The following MAPKBP1 variants were observed in gnomAD, a reference collection of about 807,000 sequenced individuals.
MAPKBP1 encodes the protein mitogen-activated protein kinase-binding protein 1.
Under a neutral mutation model 170.5 loss-of-function variants are expected in MAPKBP1, and 71 were observed. The observed-to-expected ratio is 0.42, with a 90% confidence interval of 0.34 to 0.51. MAPKBP1 has a LOEUF of 0.51. Ranked by LOEUF, MAPKBP1 falls within the 20% of genes least tolerant of loss-of-function variation. MAPKBP1 has a pLI of 0.06. For synonymous variants in MAPKBP1, 719 were observed against 757.9 expected, an observed-to-expected ratio of 0.95 and a Z score of 0.84; for missense variants, 1,598 against 1,933.0, an observed-to-expected ratio of 0.83 and a Z score of 3.25.
rs1361688035 is a variant in MAPKBP1, at chr15:41,816,970, G to A, written c.1646G>A (p.Arg549Gln). The change falls in exon 14 of 31, where the codon CGG (arginine) becomes CAG (glutamine). Residue 549 changes from arginine (R) to glutamine (Q), a missense_variant. This residue lies in a region of MAPKBP1 where 430 missense variants were observed against 617.2 expected (regional missense o/e 0.70). Transcript: ENST00000457542. ...CTGATCCATGTGCTGGATGCCGGGC[G>A]GGAGTACAGCCTACAGCAGACGCTG... The part of the protein sequence containing the change: ...DRLIHVLDAG[R>Q]EYSLQQTLDE... 28 of 1,612,738 alleles carry A rather than the reference G, an allele frequency of 1.7e-5. No individual in the cohort carries two copies. The highest frequency in any genetic ancestry group is 2.2e-5 in the East Asian group (1 of 44,874).
At chr15:41,779,544 G>A (rs1449443561) in intron 2 of MAPKBP1, among the ~76,000 whole-genome samples, 6 of 151,904 alleles carry the variant, frequency 3.9e-5, no homozygotes, top group African/African-American at 7.3e-5. Context: ...AGAGTCTTAC[G>A]ATGTTGCTCA....
rs2065037809 is a variant in MAPKBP1 at position 41,823,533 on chromosome 15, C to A, written c.3685C>A (p.Pro1229Thr). ...AGCTCAGGATGGTCTGGGCTCCCTGCCCCCAGCTGATGGCCGTCCGTCTCG... is the reference window on the plus strand; with the variant it reads ...AGCTCAGGATGGTCTGGGCTCCCTGACCCCAGCTGATGGCCGTCCGTCTCG... Reference protein sequence around the residue: ...IEAQDGLGSLPPADGRPSRPH... With the variant: ...IEAQDGLGSLTPADGRPSRPH... The change falls in exon 29 of 31, where the codon CCC becomes ACC. Residue 1229 changes from proline to threonine, a missense_variant. Physicochemically the swap from Pro to Thr is conservative, Grantham distance 38. Coordinates refer to ENST00000457542, the MANE Select transcript of MAPKBP1 (RefSeq NM_014994.3). 1.2e-6 allele frequency: 2 copies of A among 1,614,046 alleles called. No individual in the cohort carries two copies. The highest frequency in any genetic ancestry group is 2.7e-5 in the African/African-American group (2 of 74,930).
At chr15:41,815,509 G>A in intron 11 of MAPKBP1, 104 bp downstream of exon 11, 1 of 1,555,050 alleles carries the variant, frequency 6.4e-7, no homozygotes, top group East Asian at 2.3e-5. Context: ...TGGCCTTCCA[G>A]CCTTCATTTG....
intron 3 of MAPKBP1, among the ~76,000 whole-genome samples, chr15:41,801,929 G>A (rs2064602188): frequency 6.6e-6 from 1 of 152,178 alleles, no homozygotes; most frequent in Non-Finnish European, 1.5e-5. Flanking sequence ...ATGGGGATAT[G>A]TTCTGAGAAA....
intron 12 of MAPKBP1, 82 bp downstream of exon 12, chr15:41,815,881 C>G (rs1050280502): frequency 2.8e-6 from 4 of 1,424,122 alleles, no homozygotes; most frequent in African/African-American, 2.8e-5. Context: ...GGGTTTGGCT[C>G]AAAAAGATTG....
chr15:41,775,418 C>A, intron 2 of MAPKBP1, 29 bp downstream of exon 2: 1 of 1,494,624 alleles, frequency 6.7e-7, no homozygotes, highest in Non-Finnish European at 9.3e-7. Flanking sequence ...CACCTCTTTC[C>A]AAACCCACCC....
Position 41,825,284 on chromosome 15 carries a change from C to T in MAPKBP1, c.4375C>T (p.Arg1459Ter), listed in dbSNP as rs1057519304. Reference protein sequence around the residue: ...QLLRDTFSSVRQELEAVAGAV... With the variant: ...QLLRDTFSSV ...CCTCAGAGACACCTTCTCTTCAGTG[C>T]GACAGGAGCTGGAAGCTGTGGCTGG... Residue 1459 changes from arginine (R) to a stop codon, truncating the protein, a stop_gained, in exon 31 of 31, where the codon CGA (arginine) becomes TGA (stop). Coordinates refer to ENST00000457542, the MANE Select transcript of MAPKBP1 (RefSeq NM_014994.3). LOFTEE classifies it high-confidence loss of function. The T allele has an allele frequency of 6.2e-6, 10 of 1,612,074 alleles. No individual in the cohort carries two copies. In the East Asian group the frequency reaches 6.7e-5, roughly 11 times the overall value.
At chr15:41,824,629 G>T (rs921384858) in intron 30 of MAPKBP1, 60 bp downstream of exon 30, 8 of 1,460,190 alleles carry the variant, frequency 5.5e-6, no homozygotes, top group South Asian at 3.7e-5. Context: ...GGGTGTTTCG[G>T]ATAACCATGT....
chr15:41,806,196 G>T (rs79547303), intron 3 of MAPKBP1, among the ~76,000 whole-genome samples: 6,021 of 152,328 alleles, frequency 0.04, 191 homozygotes, highest in East Asian at 0.1. Context: ...CCCAGTGTAA[G>T]TTATAAGCGT....
intron 4 of MAPKBP1, 115 bp from the exon 5 acceptor site, chr15:41,811,063 G>T: frequency 6.5e-7 from 1 of 1,528,166 alleles, no homozygotes; most frequent in South Asian, 1.1e-5. Flanking sequence ...AGCCAGATGG[G>T]GAAGTGCCAC....
intron 2 of MAPKBP1, among the ~76,000 whole-genome samples, chr15:41,797,772 C>T (rs1219253445): frequency 6.6e-6 from 1 of 152,164 alleles, no homozygotes; most frequent in African/African-American, 2.4e-5. Context: ...ACCACATCTA[C>T]CAGTGAGCAG....
rs746387763 is a variant in MAPKBP1 at position 41,824,467 on chromosome 15, G to A, written c.4214-17G>A. The A allele has an allele frequency of 6.3e-7, 1 of 1,576,434 alleles. No individual in the cohort carries two copies. The highest frequency in any genetic ancestry group is 8.6e-7 in the Non-Finnish European group (1 of 1,160,616). On this transcript the variant is annotated splice_polypyrimidine_tract_variant and intron_variant, in intron 29 of 30. Transcript: ENST00000457542. ...GCTACATGCTGGGCCTCACTGAGCTGTATCCGTCTCTTTCAGAGCCAGCGG... is the reference window on the plus strand; with the variant it reads ...GCTACATGCTGGGCCTCACTGAGCTATATCCGTCTCTTTCAGAGCCAGCGG...
chr15:41,798,249 C>T (rs1293545907), intron 2 of MAPKBP1, among the ~76,000 whole-genome samples: 2 of 56,946 alleles, frequency 3.5e-5, no homozygotes, highest in Non-Finnish European at 3.2e-5. Context: ...GACTCTGTCT[C>T]AAAAAAAAAA....
intron 7 of MAPKBP1, 79 bp downstream of exon 7, chr15:41,812,732 C>A: frequency 6.6e-7 from 1 of 1,508,794 alleles, no homozygotes; most frequent in Non-Finnish European, 8.9e-7. Flanking sequence ...CTCTGCCCCA[C>A]TTGGGCCTCT....
At chr15:41,814,405 T>C in intron 9 of MAPKBP1, 145 bp from the exon 10 acceptor site, 1 of 710,722 alleles carries the variant, frequency 1.4e-6, no homozygotes, top group Non-Finnish European at 2.3e-6. Flanking sequence ...TGATGGCTAG[T>C]AGGGGCTCCT....
chr15:41,786,893 G>C (rs1275017289), intron 2 of MAPKBP1, among the ~76,000 whole-genome samples: 2 of 148,490 alleles, frequency 1.3e-5, no homozygotes, highest in Non-Finnish European at 3.0e-5. Flanking sequence ...TTGAATTTGA[G>C]ACAATTCATT....
At chr15:41,820,571 G>C (rs892321588) in intron 22 of MAPKBP1, among the ~76,000 whole-genome samples, 2 of 152,140 alleles carry the variant, frequency 1.3e-5, no homozygotes, top group Non-Finnish European at 2.9e-5. Flanking sequence ...ATGCAGCTAA[G>C]AGCATGAACT....
chr15:41,816,853 G>T, intron 13 of MAPKBP1, 57 bp from the exon 14 acceptor site: 1 of 1,552,550 alleles, frequency 6.4e-7, no homozygotes. Context: ...TCTTTGCCAG[G>T]CCCAGATAAG....
At chr15:41,787,685 A>T (rs1392367812) in intron 2 of MAPKBP1, among the ~76,000 whole-genome samples, 1 of 151,964 alleles carries the variant, frequency 6.6e-6, no homozygotes. Flanking sequence ...TTCTTTAATT[A>T]TAACTTAGGT....
Sources: gnomAD v4.1 joint callset for allele counts (sites outside exome capture counted in the v4.1 genomes callset) on GRCh38, gnomAD v4.1.1 for gene constraint, gnomAD v4.1.1 regional missense constraint, MANE v1.5 for transcripts, NCBI Gene and HGNC (gene_info 2026-07-23, HGNC 2026-07-21) for gene names.